Variants in HERC1 observed in about 807,000 individuals in gnomAD.
HERC1 encodes probable E3 ubiquitin-protein ligase HERC1.
In HERC1, 160 loss-of-function variants were observed where a neutral mutation model predicts 554.3. That is an observed-to-expected ratio of 0.29 (90% confidence interval 0.25 to 0.33). The LOEUF is 0.33. Ranked by LOEUF, HERC1 falls within the 10% of genes least tolerant of loss-of-function variation. HERC1 has a pLI of 1.00. For missense variants in HERC1, 4,919 were observed against 5,918.5 expected, an observed-to-expected ratio of 0.83 and a Z score of 5.54; for synonymous variants, 2,175 against 2,131.7, an observed-to-expected ratio of 1.02 and a Z score of -0.56.
intron 14 of HERC1, among the ~76,000 whole-genome samples, chr15:63,731,970 G>A (rs1028350320): frequency 1.3e-5 from 2 of 152,168 alleles, no homozygotes; most frequent in African/African-American, 2.4e-5. Flanking sequence ...AATGGTGTGT[G>A]AGCCGATGAT....
At chr15:63,657,602 AC>A (rs1459853305) in intron 48 of HERC1, among the ~76,000 whole-genome samples, 1 of 151,870 alleles carries the variant, frequency 6.6e-6, no homozygotes, top group Non-Finnish European at 1.5e-5. Context: ...TTTTCAAATC[AC>A]TTTTGCTAAA....
chr15:63,685,270 C>T (rs2071688833), intron 34 of HERC1, among the ~76,000 whole-genome samples: 1 of 152,248 alleles, frequency 6.6e-6, no homozygotes, highest in Non-Finnish European at 1.5e-5. Context: ...CAAGACTCAA[C>T]TTAATTATTC....
At chr15:63,699,483 C>T (rs2072606487) in intron 25 of HERC1, among the ~76,000 whole-genome samples, 1 of 152,068 alleles carries the variant, frequency 6.6e-6, no homozygotes, top group Non-Finnish European at 1.5e-5. Context: ...TGAAACATTA[C>T]CAAAAAATGA....
At chr15:63,825,864 G>C (rs1245103126) in intron 1 of HERC1, among the ~76,000 whole-genome samples, 1 of 151,954 alleles carries the variant, frequency 6.6e-6, no homozygotes, top group Non-Finnish European at 1.5e-5. Context: ...CTGGGTTCAA[G>C]TGATTCTCCT....
intron 24 of HERC1, among the ~76,000 whole-genome samples, chr15:63,711,999 A>G (rs561885448): frequency 6.6e-5 from 10 of 152,358 alleles, no homozygotes; most frequent in African/African-American, 2.2e-4. Context: ...ATATTTTACC[A>G]GTGACACTGT....
chr15:63,659,016 G>A (rs1457714348), intron 47 of HERC1, among the ~76,000 whole-genome samples: 3 of 152,106 alleles, frequency 2.0e-5, no homozygotes, highest in Non-Finnish European at 4.4e-5. Flanking sequence ...CACATCTACT[G>A]ATTATAAGTG....
chr15:63,674,684 C>T lies in HERC1; in HGVS notation c.7504G>A (p.Glu2502Lys). 1 of 1,613,778 alleles carries T rather than the reference C, an allele frequency of 6.2e-7. No homozygotes were observed. Among genetic ancestry groups the T allele is most frequent in the Non-Finnish European group, 8.5e-7 (1 of 1,179,742 alleles). The change falls in exon 38 of 78, where the codon GAA (glutamate) becomes AAA (lysine). Residue 2502 changes from glutamate to lysine, a missense_variant. Physicochemically the swap from Glu to Lys is moderately conservative, Grantham distance 56 (BLOSUM62 1). Around this residue, in one of 11 missense-constraint regions of HERC1, gnomAD observed 1,963 missense variants for 2,228.6 expected, o/e 0.88. Coordinates refer to ENST00000443617, the MANE Select transcript of HERC1 (RefSeq NM_003922.4). ...TAGGACAGCTGGACTGCTCTGATTTCTGACTGGGCTACATCATGGTTTTTG... is the reference window on the plus strand; with the variant it reads ...TAGGACAGCTGGACTGCTCTGATTTTTGACTGGGCTACATCATGGTTTTTG... ...MSKNHDVAQS[E>K]IRAVQLSYLY... is the part of the protein sequence containing the mutation.
At chr15:63,620,603 C>A (rs1481663613) in intron 74 of HERC1, among the ~76,000 whole-genome samples, 3 of 152,150 alleles carry the variant, frequency 2.0e-5, no homozygotes, top group Non-Finnish European at 2.9e-5. Flanking sequence ...GTGTTAAAGT[C>A]TCCCATTATT....
chr15:63,629,892 T>G (rs1254928867), intron 69 of HERC1, among the ~76,000 whole-genome samples: 1 of 152,204 alleles, frequency 6.6e-6, no homozygotes, highest in African/African-American at 2.4e-5. Flanking sequence ...CACCAAGGTC[T>G]CTCCCTCCTT....
intron 2 of HERC1, among the ~76,000 whole-genome samples, chr15:63,770,493 G>A (rs2075919158): frequency 6.6e-6 from 1 of 152,152 alleles, no homozygotes; most frequent in African/African-American, 2.4e-5. Context: ...CACAACATGT[G>A]CAGTAAACAC....
At chr15:63,650,664 T>C (rs1165539544) in intron 53 of HERC1, among the ~76,000 whole-genome samples, 2 of 152,198 alleles carry the variant, frequency 1.3e-5, no homozygotes, top group African/African-American at 2.4e-5. Context: ...AATGTACAAA[T>C]GTCAAGCACT....
intron 65 of HERC1, 115 bp from the exon 66 acceptor site, chr15:63,635,003 C>T (rs2068718502): frequency 1.4e-6 from 1 of 703,560 alleles, no homozygotes; most frequent in African/African-American, 1.8e-5. Flanking sequence ...TCACTGAAAA[C>T]TGGATCTTCA....
chr15:63,731,380 A>G (rs887901456), intron 14 of HERC1, among the ~76,000 whole-genome samples: 1 of 152,198 alleles, frequency 6.6e-6, no homozygotes, highest in Non-Finnish European at 1.5e-5. Flanking sequence ...ATAATTTATT[A>G]TTTCTACCCA....
intron 40 of HERC1, 97 bp from the exon 41 acceptor site, chr15:63,666,569 T>G: frequency 1.4e-6 from 1 of 728,428 alleles, no homozygotes. Context: ...ATTGTCCAAG[T>G]TTAATGAAAT....
At chr15:63,716,616 A>G in intron 21 of HERC1, 143 bp from the exon 22 acceptor site, 1 of 610,148 alleles carries the variant, frequency 1.6e-6, no homozygotes, top group Non-Finnish European at 2.8e-6. Flanking sequence ...AACCCAAAAG[A>G]TACACTAGAT....
chr15:63,706,105 T>C (rs375989768), intron 25 of HERC1, among the ~76,000 whole-genome samples: 98 of 151,346 alleles, frequency 6.5e-4, no homozygotes, highest in African/African-American at 2.1e-3. Context: ...TTAGTTATCA[T>C]TGGATTTACA....
chr15:63,814,374 C>G (rs777877924), intron 1 of HERC1, among the ~76,000 whole-genome samples: 2 of 148,780 alleles, frequency 1.3e-5, no homozygotes, highest in Non-Finnish European at 3.0e-5. Flanking sequence ...ACACACTACT[C>G]TTCTTTAATA....
rs753855504 is a variant in HERC1, at chr15:63,609,172, T to C, written c.14495A>G (p.Tyr4832Cys). Residue 4832 changes from tyrosine to cysteine, a missense_variant, in exon 78 of 78, where the codon TAT becomes TGT. Tyr to Cys is a radical substitution (Grantham distance 194). This residue lies in a region of HERC1 where 71 missense variants were observed against 101.4 expected (regional missense o/e 0.70). Coordinates refer to ENST00000443617, the MANE Select transcript of HERC1 (RefSeq NM_003922.4). The part of the protein sequence containing the change: ...SQLVMAERLR[Y>C]AINNCRSIDM... ...GATTGAGCGGCAGTTGTTGATGGCATAGCGCAGGCGCTCGGCCATGACCAG... is the reference window on the plus strand; with the variant it reads ...GATTGAGCGGCAGTTGTTGATGGCACAGCGCAGGCGCTCGGCCATGACCAG... 1 of 1,613,848 alleles carries C rather than the reference T, an allele frequency of 6.2e-7. No individual in the cohort carries two copies. The highest frequency in any genetic ancestry group is 8.5e-7 in the Non-Finnish European group (1 of 1,179,826).
chr15:63,729,806 T>C (rs2074201135), intron 14 of HERC1, among the ~76,000 whole-genome samples, 157 bp from the exon 15 acceptor site: 2 of 151,942 alleles, frequency 1.3e-5, no homozygotes, highest in African/African-American at 4.8e-5. Flanking sequence ...GTACATCACC[T>C]GAAGTCAGGA....
Sources: gnomAD v4.1 joint callset for allele counts (sites outside exome capture counted in the v4.1 genomes callset) on GRCh38, gnomAD v4.1.1 for gene constraint, gnomAD v4.1.1 regional missense constraint, MANE v1.5 for transcripts, NCBI Gene and HGNC (gene_info 2026-07-23, HGNC 2026-07-21) for gene names.